METTL21A: variants seen among roughly 807,000 people sequenced by gnomAD.
The protein encoded by METTL21A is protein N-lysine methyltransferase METTL21A.
METTL21A carries 22 observed loss-of-function variants against 20.9 expected under a neutral mutation model. The ratio of observed to expected loss-of-function variants is 1.05; its 90% CI spans 0.75 to 1.50. The LOEUF is 1.50. Among genes scored for constraint, METTL21A ranks in the 40% most tolerant of loss-of-function variants. The pLI is 0.00. For synonymous variants in METTL21A, 93 were observed against 102.0 expected (o/e 0.91, Z 0.53); for missense variants, 271 against 266.8 (o/e 1.02, Z -0.11).
At chr2:207,598,062 C>T (rs1472233086) in intron 3 of METTL21A, 1 of 180,298 alleles carries the variant, frequency 5.5e-6, no homozygotes, top group African/African-American at 2.4e-5. Context: ...TCAAATAAAG[C>T]AAAGTGATAT....
intron 3 of METTL21A, among the ~76,000 whole-genome samples, chr2:207,589,917 G>A (rs374862429): frequency 6.6e-5 from 10 of 152,036 alleles, no homozygotes; most frequent in East Asian, 5.8e-4. Context: ...TTTCTTTGCC[G>A]TGAGTTTGTT....
chr2:207,597,314 CCCT>C (rs2086339436), intron 3 of METTL21A: 2 of 382,940 alleles, frequency 5.2e-6, no homozygotes, highest in South Asian at 1.2e-4. Context: ...TCAACCCCCA[CCCT>C]CCTCAAGAAG....
At chr2:207,619,333 T>C in intron 3 of METTL21A, among the ~76,000 whole-genome samples, 1 of 152,076 alleles carries the variant, frequency 6.6e-6, no homozygotes, top group Non-Finnish European at 1.5e-5. Context: ...TGACTAAGGT[T>C]ACAAAAAGAG....
intron 3 of METTL21A, among the ~76,000 whole-genome samples, chr2:207,588,372 G>A (rs1179275302): frequency 6.6e-6 from 1 of 151,962 alleles, no homozygotes; most frequent in African/African-American, 2.4e-5. Flanking sequence ...TCTGTTTCTT[G>A]GATATCTTTC....
intron 3 of METTL21A, 137 bp downstream of exon 3, chr2:207,621,669 G>C: frequency 1.4e-6 from 1 of 694,236 alleles, no homozygotes. Flanking sequence ...CCCAGCAGTT[G>C]GCCCACAACT....
At chr2:207,618,170 A>T (rs371257212) in intron 3 of METTL21A, among the ~76,000 whole-genome samples, 2 of 152,208 alleles carry the variant, frequency 1.3e-5, no homozygotes, top group Non-Finnish European at 2.9e-5. Flanking sequence ...ATCAAATCAC[A>T]TGGGAAACTT....
In METTL21A at chr2:207,584,008, G is replaced by A. The variant is rs151176790; in HGVS notation, c.260-1848C>T. Among the ~76,000 whole-genome samples the A allele has an allele frequency of 1.5e-3, 223 of 152,266 alleles. 1 individual carries two copies. The highest frequency in any genetic ancestry group is 5.1e-3 in the African/African-American group (210 of 41,548). On this transcript the variant is annotated intron_variant, in intron 3 of 3. Transcript: ENST00000425132. Reference sequence around the variant, plus strand: ...TTTATTGATTTTGTTGCATGAATCAGTAGTTGGGACTTATCCCAGATAATT... The same window carrying A: ...TTTATTGATTTTGTTGCATGAATCAATAGTTGGGACTTATCCCAGATAATT...
intron 3 of METTL21A, among the ~76,000 whole-genome samples, chr2:207,594,466 A>G (rs1035213913): frequency 6.6e-6 from 1 of 152,222 alleles, no homozygotes; most frequent in Non-Finnish European, 1.5e-5. Flanking sequence ...CATAAGAGAA[A>G]TTACACAATA....
At chr2:207,622,013 G>C in intron 2 of METTL21A, 96 bp from the exon 3 acceptor site, 3 of 1,015,778 alleles carry the variant, frequency 3.0e-6, no homozygotes, top group South Asian at 2.7e-5. Flanking sequence ...CTCCCACTTC[G>C]AGGTTCAATT....
At chr2:207,617,490 C>G (rs924455225) in intron 3 of METTL21A, among the ~76,000 whole-genome samples, 3 of 152,294 alleles carry the variant, frequency 2.0e-5, no homozygotes, top group Middle Eastern at 3.4e-3. Flanking sequence ...TGGGACAGGC[C>G]AGAGCAGGAT....
chr2:207,596,717 G>A (rs1045023052), intron 3 of METTL21A, among the ~76,000 whole-genome samples: 2 of 152,182 alleles, frequency 1.3e-5, no homozygotes, highest in African/African-American at 2.4e-5. Context: ...ACAGGCGTGA[G>A]CCGCCACGCC....
At chr2:207,594,496 C>T (rs2085728464) in intron 3 of METTL21A, among the ~76,000 whole-genome samples, 1 of 152,142 alleles carries the variant, frequency 6.6e-6, no homozygotes, top group Admixed American at 6.5e-5. Flanking sequence ...TTGAGACTAG[C>T]TTGTGTCAGC....
At chr2:207,591,592 C>G (rs532822381) in intron 3 of METTL21A, among the ~76,000 whole-genome samples, 127 of 152,148 alleles carry the variant, frequency 8.3e-4, no homozygotes, top group Non-Finnish European at 1.1e-3. Context: ...GCCACCACAC[C>G]CAGCTAATTT....
chr2:207,620,890 C>A, intron 3 of METTL21A: 2 of 498,662 alleles, frequency 4.0e-6, no homozygotes, highest in Admixed American at 3.6e-5. Context: ...GTAGACAATG[C>A]GATGGGTTTA....
At chr2:207,583,192 AT>A (rs2083250226) in intron 3 of METTL21A, among the ~76,000 whole-genome samples, 1 of 152,160 alleles carries the variant, frequency 6.6e-6, no homozygotes, top group South Asian at 2.1e-4. Context: ...ATATAATGCC[AT>A]TTTATATAAG....
chr2:207,600,240 T>TATAC (rs1553513607), intron 3 of METTL21A: 2 of 41,592 alleles, frequency 4.8e-5, no homozygotes, highest in African/African-American at 2.2e-4. Flanking sequence ...TATGTGTACA[T>TATAC]ATATATATAT....
chr2:207,598,539 A>G (rs1267354078), intron 3 of METTL21A: 1 of 177,990 alleles, frequency 5.6e-6, no homozygotes, highest in Non-Finnish European at 1.2e-5. Context: ...AACTGACATA[A>G]TGTTAGGTTA....
At chr2:207,600,005 A>G (rs1034527652) in intron 3 of METTL21A, 1 of 190,292 alleles carries the variant, frequency 5.3e-6, no homozygotes, top group African/African-American at 2.3e-5. Flanking sequence ...GGAGGGGTTT[A>G]TTTTTGATAT....
intron 3 of METTL21A, among the ~76,000 whole-genome samples, chr2:207,603,946 C>T (rs1008221032): frequency 6.6e-6 from 1 of 152,188 alleles, no homozygotes; most frequent in African/African-American, 2.4e-5. Flanking sequence ...TGTTTCTTCA[C>T]TGCCAAGATG....
Sources: allele counts gnomAD v4.1 joint callset (sites outside exome capture counted in the v4.1 genomes callset), GRCh38; gene constraint gnomAD v4.1.1; transcripts MANE v1.5; gene names NCBI Gene and HGNC (gene_info 2026-07-23, HGNC 2026-07-21).